The following SLC27A4 variants were observed in gnomAD, a reference collection of about 807,000 sequenced individuals.
SLC27A4 encodes the protein long-chain fatty acid transport protein 4.
SLC27A4 carries 33 observed loss-of-function variants against 64.4 expected under a neutral mutation model. The ratio of observed to expected loss-of-function variants is 0.51; its 90% CI spans 0.39 to 0.68. The LOEUF (loss-of-function observed/expected upper bound fraction) is 0.68. Ranked by LOEUF, SLC27A4 falls within the 30% of genes least tolerant of loss-of-function variation. The pLI is 0.00. For missense variants in SLC27A4, 824 were observed against 883.5 expected (o/e 0.93, Z 0.85); for synonymous variants, 377 against 370.0 (o/e 1.02, Z -0.22).
chr9:128,356,089 A>G (rs1282128575), intron 12 of SLC27A4, among the ~76,000 whole-genome samples: 17 of 152,210 alleles, frequency 1.1e-4, no homozygotes, highest in Admixed American at 1.1e-3. Flanking sequence ...GGCCTAGGAC[A>G]AGGCATTCCA....
In SLC27A4 at chr9:128,360,459, A is replaced by G. The variant is rs1832883146; in HGVS notation, c.1900A>G (p.Ser634Gly). 2 of 1,613,958 alleles carry G rather than the reference A, an allele frequency of 1.2e-6. No individual in the cohort carries two copies. Among genetic ancestry groups the G allele is most frequent in the African/African-American group, 2.7e-5 (2 of 74,938 alleles). The part of the protein sequence containing the change: ...RYVPLDQEAY[S>G]RIQAGEEKL Reference sequence around the variant, plus strand: ...CGTCCCGCTGGACCAAGAGGCCTACAGCCGCATCCAGGCAGGCGAGGAGAA... The same window carrying G: ...CGTCCCGCTGGACCAAGAGGCCTACGGCCGCATCCAGGCAGGCGAGGAGAA... The change falls in exon 13 of 13, where the codon AGC (serine) becomes GGC (glycine). Residue 634 changes from serine to glycine, a missense_variant. By Grantham distance (56) the Ser-to-Gly change is moderately conservative. Transcript: ENST00000300456.
At chr9:128,359,462 A>G (rs567965476) in intron 12 of SLC27A4, among the ~76,000 whole-genome samples, 45 of 152,154 alleles carry the variant, frequency 3.0e-4, no homozygotes, top group Non-Finnish European at 6.2e-4. Context: ...CGTCTCTACT[A>G]AAAATACAAA....
rs766244848 is a variant in SLC27A4 at position 128,348,694 on chromosome 9, G to T, written c.706G>T (p.Gly236Cys). The T allele has an allele frequency of 7.4e-6, 12 of 1,613,864 alleles. No homozygotes were observed. The highest frequency in any genetic ancestry group is 2.7e-5 in the African/African-American group (2 of 74,952). Residue 236 changes from glycine (G) to cysteine (C), a missense_variant, in exon 4 of 13, where the codon GGC (glycine) becomes TGC (cysteine). By Grantham distance (159) the Gly-to-Cys change is radical (BLOSUM62 -3). Transcript: ENST00000300456. The part of the protein sequence containing the change: ...PKHLPSCPDK[G>C]FTDKLFYIYT... The stretch of plus-strand genomic sequence containing the variant: ...GCACCTTCCCAGTTGCCCTGACAAG[G>T]GCTTCACAGGTGGGCTCCATCCCCT...
Position 128,345,306 on chromosome 9 carries a change from C to G in SLC27A4, c.313C>G (p.Arg105Gly), listed in dbSNP as rs369725225. 12 of 1,613,788 alleles carry G rather than the reference C, an allele frequency of 7.4e-6. No homozygotes were observed. Among genetic ancestry groups the G allele is most frequent in the Non-Finnish European group, 7.6e-6 (9 of 1,180,020 alleles). Residue 105 changes from arginine to glycine, a missense_variant, in exon 3 of 13, where the codon CGC becomes GGC. Physicochemically the swap from Arg to Gly is moderately radical, Grantham distance 125. Transcript: ENST00000300456. The surrounding 1 kb of genome is among the most constrained non-coding windows in gnomAD (Gnocchi z 4.1). ...FEGTDTHWTFRQLDEYSSSVA... is the reference protein window; with the variant it reads ...FEGTDTHWTFGQLDEYSSSVA... ...GGGCACAGATACCCACTGGACCTTC[C>G]GCCAGCTGGATGAGTACTCAAGCAG...
chr9:128,353,810 C>T lies in SLC27A4; in HGVS notation c.1324+269C>T, dbSNP rs1832776729. Among the ~76,000 whole-genome samples, 1 of 149,104 alleles carries T rather than the reference C, an allele frequency of 6.7e-6. No homozygotes were observed. The highest frequency in any genetic ancestry group is 2.0e-4 in the East Asian group (1 of 5,120). ...CCAGGCTGGAGTGCAGTGGCGGGAT[C>T]TCGGCTCACTGCAAGCTCCGCCTCC... is the stretch of plus-strand genomic sequence containing the variant. On this transcript the variant is annotated intron_variant, in intron 9 of 12. Transcript: ENST00000300456. The surrounding 1 kb of genome is among the most constrained non-coding windows in gnomAD (Gnocchi z 4.9).
rs1832593167 is a variant in SLC27A4, at chr9:128,342,640, G to T, written c.-6-487G>T. On this transcript the variant is annotated intron_variant, in intron 1 of 12. Transcript: ENST00000300456. ...TGAAATCTAGAGTAAAACCAGGCTG[G>T]CCCAAGGTGTCCTGCAGGCTGTAAT... 5 of 436,576 alleles carry T rather than the reference G, an allele frequency of 1.1e-5. No individual in the cohort carries two copies. The East Asian group carries it at 2.2e-4, about 19-fold the overall frequency. The allele number at this position is 436,576 out of a possible 1,614,324, so 27.0% of individuals were successfully genotyped here.
rs1227230104 is a variant in SLC27A4, at chr9:128,345,690, G to A, written c.556+141G>A. ...AGTCAGACAGCTTAGGCAGTGCCAC[G>A]AGTAAACGAGATCCTGGGGAAGGGA... is the stretch of plus-strand genomic sequence containing the variant. On this transcript the variant is annotated intron_variant, in intron 3 of 12. Transcript: ENST00000300456. The surrounding 1 kb of genome is among the most constrained non-coding windows in gnomAD (Gnocchi z 4.1). 1.4e-5 allele frequency: 14 copies of A among 971,652 alleles called. No homozygotes were observed. The Admixed American group carries it at 2.0e-4, about 14-fold the overall frequency. The allele number at this position is 971,652 out of a possible 1,614,324, so 60.2% of individuals were successfully genotyped here. A position where few individuals can be genotyped will look rare whatever the true frequency, so the allele number is the denominator to read the frequency against.
At chr9:128,343,371 G>T in intron 2 of SLC27A4, 78 bp downstream of exon 2, 1 of 1,551,576 alleles carries the variant, frequency 6.4e-7, no homozygotes, top group South Asian at 1.1e-5. Context: ...CCCCAGGCCA[G>T]ACCTCATGTT....
chr9:128,340,867 C>G, intron 1 of SLC27A4, 29 bp downstream of exon 1: 2 of 616,794 alleles, frequency 3.2e-6, no homozygotes, highest in Non-Finnish European at 6.0e-6. Flanking sequence ...GGTGGGTTCC[C>G]GGGTGGGGAC....
Position 128,343,093 on chromosome 9 carries a change from G to A in SLC27A4, c.-6-34G>A, listed in dbSNP as rs201784028. On this transcript the variant is annotated intron_variant, in intron 1 of 12. Coordinates refer to ENST00000300456, the MANE Select transcript of SLC27A4 (RefSeq NM_005094.4). The stretch of plus-strand genomic sequence containing the variant: ...GGAGGTAGGAGACCTGGAGGGTTGG[G>A]TGTTTGGGTCCACTAACTGCCCTGT... 3.0e-5 allele frequency: 49 copies of A among 1,611,680 alleles called. No individual in the cohort carries two copies. The Admixed American group carries it at 6.8e-4, about 23-fold the overall frequency.
intron 1 of SLC27A4, chr9:128,342,190 C>G (rs767796529): frequency 2.0e-6 from 3 of 1,525,996 alleles, no homozygotes; most frequent in Non-Finnish European, 2.7e-6. Context: ...GACCAGACTT[C>G]GCTCGTTCTC....
rs1182155264 is a variant in SLC27A4, at chr9:128,350,396, C to T, written c.785+15C>T. 1 of 1,613,420 alleles carries T rather than the reference C, an allele frequency of 6.2e-7. No individual in the cohort carries two copies. The highest frequency in any genetic ancestry group is 8.5e-7 in the Non-Finnish European group (1 of 1,179,776). ...GTGCACAGCAGGTAAGGGGCAGGTGCCCAGGGTGGGGTAGGCACAGGCAGG... is the reference window on the plus strand; with the variant it reads ...GTGCACAGCAGGTAAGGGGCAGGTGTCCAGGGTGGGGTAGGCACAGGCAGG... On this transcript the variant is annotated intron_variant, in intron 5 of 12. Transcript: ENST00000300456.
chr9:128,348,762 G>C (rs1832694400), intron 4 of SLC27A4, 59 bp downstream of exon 4: 2 of 1,559,778 alleles, frequency 1.3e-6, no homozygotes, highest in African/African-American at 1.4e-5. Flanking sequence ...CAGAGCACTG[G>C]CCTCAGTGCC....
At chr9:128,352,528 A>G (rs1407262070) in intron 6 of SLC27A4, 110 bp from the exon 7 acceptor site, 3 of 861,394 alleles carry the variant, frequency 3.5e-6, no homozygotes, top group Middle Eastern at 2.2e-4. Flanking sequence ...TGAGGTGCAG[A>G]AGCCTGCAGG....
Position 128,355,659 on chromosome 9 carries a change from G to C in SLC27A4, c.1637G>C (p.Gly546Ala). The C allele has an allele frequency of 6.2e-7, 1 of 1,611,020 alleles. No homozygotes were observed. Among genetic ancestry groups the C allele is most frequent in the Non-Finnish European group, 8.5e-7 (1 of 1,180,020 alleles). The change falls in exon 12 of 13, where the codon GGC (glycine) becomes GCC (alanine). Residue 546 changes from glycine to alanine, a missense_variant. Coordinates refer to ENST00000300456, the MANE Select transcript of SLC27A4 (RefSeq NM_005094.4). ...ACCCTGCCACCCCCAGGAACCGAGG[G>C]CCGGGCCGGAATGGCTGCTGTGGCC... Reference protein sequence around the residue: ...VYGVEVPGTEGRAGMAAVASP... With the variant: ...VYGVEVPGTEARAGMAAVASP...
chr9:128,350,431 C>T (rs1290072772), intron 5 of SLC27A4, 50 bp downstream of exon 5: 2 of 1,611,418 alleles, frequency 1.2e-6, no homozygotes, highest in African/African-American at 2.7e-5. Flanking sequence ...GGCTGGGGAG[C>T]CTCCTTCTGC....
chr9:128,355,282 C>G, intron 10 of SLC27A4, 92 bp downstream of exon 10: 1 of 1,589,460 alleles, frequency 6.3e-7, no homozygotes, highest in Non-Finnish European at 8.6e-7. Context: ...CAGGACTCCC[C>G]CAGTCCTGGC....
chr9:128,340,768 C>T lies in SLC27A4; in HGVS notation c.-77C>T, dbSNP rs1475801026. The T allele has an allele frequency of 1.3e-5, 9 of 680,338 alleles. No homozygotes were observed. The highest frequency in any genetic ancestry group is 2.2e-5 in the Non-Finnish European group (8 of 368,950). The allele number at this position is 680,338 out of a possible 1,614,324, so 42.1% of individuals were successfully genotyped here. A position where few individuals can be genotyped will look rare whatever the true frequency, so the allele number is the denominator to read the frequency against. The stretch of plus-strand genomic sequence containing the variant: ...CGTGCGTCCAGGGGCGGCTAATGCC[C>T]CTCACGCTGTCTACGCTGCTGCAAC... On this transcript the variant is annotated 5_prime_UTR_variant, in exon 1 of 13. Coordinates refer to ENST00000300456, the MANE Select transcript of SLC27A4 (RefSeq NM_005094.4).
At chr9:128,346,034 G>A (rs954368616) in intron 3 of SLC27A4, among the ~76,000 whole-genome samples, 5 of 151,984 alleles carry the variant, frequency 3.3e-5, no homozygotes, top group African/African-American at 1.2e-4. Flanking sequence ...CTGAATAGCT[G>A]GGACCACAGA....
Sources: gnomAD v4.1 joint callset for allele counts (sites outside exome capture counted in the v4.1 genomes callset) on GRCh38, gnomAD v4.1.1 for gene constraint, Gnocchi (gnomAD v3.1) non-coding constraint, MANE v1.5 for transcripts, NCBI Gene and HGNC (gene_info 2026-07-23, HGNC 2026-07-21) for gene names.